SNAP25: variants seen among roughly 807,000 people sequenced by gnomAD.
SNAP25 encodes the protein synaptosomal-associated protein 25.
A neutral mutation model predicts 28.7 loss-of-function variants in SNAP25; 3 were observed. The ratio of observed to expected loss-of-function variants is 0.10; its 90% CI spans 0.05 to 0.27. The LOEUF (loss-of-function observed/expected upper bound fraction) is 0.27, where lower values mean the gene tolerates loss of function less well. SNAP25 is among the 10% of genes least tolerant of loss of function. SNAP25 has a pLI of 1.00. For synonymous variants in SNAP25, 61 were observed against 88.1 expected (o/e 0.69, Z 1.72); for missense variants, 117 against 278.7 (o/e 0.42, Z 4.13).
At chr20:10,277,837 G>A in intron 3 of SNAP25, 111 bp downstream of exon 3, 1 of 1,001,526 alleles carries the variant, frequency 1.0e-6, no homozygotes. Context: ...TTCCAGTGTG[G>A]ATGTAGCCTA....
intron 4 of SNAP25, among the ~76,000 whole-genome samples, chr20:10,287,165 C>A (rs2876195): frequency 0.15 from 22,314 of 151,656 alleles, 1,861 homozygotes; most frequent in Admixed American, 0.2. Context: ...AATGGGATCT[C>A]ATTAAACTAA....
At chr20:10,265,882 A>G (rs1352129584) in intron 1 of SNAP25, among the ~76,000 whole-genome samples, 9 of 152,118 alleles carry the variant, frequency 5.9e-5, no homozygotes, top group Non-Finnish European at 1.3e-4. Context: ...ACGTGATCCA[A>G]TCCAATAAGT....
intron 4 of SNAP25, among the ~76,000 whole-genome samples, chr20:10,285,639 C>G (rs1600757059): frequency 6.6e-6 from 1 of 152,082 alleles, no homozygotes; most frequent in Admixed American, 6.5e-5. Context: ...AATGTATTCA[C>G]AACACAGGAA....
At chr20:10,257,368 C>T (rs971356668) in intron 1 of SNAP25, among the ~76,000 whole-genome samples, 1 of 152,120 alleles carries the variant, frequency 6.6e-6, no homozygotes, top group African/African-American at 2.4e-5. Flanking sequence ...TTCAGAAATT[C>T]GAGACAAGCC....
chr20:10,219,085 T>G (rs2122566768), intron 1 of SNAP25, 108 bp downstream of exon 1: 1 of 152,354 alleles, frequency 6.6e-6, no homozygotes, highest in Non-Finnish European at 1.5e-5. Context: ...CAAGTATTGG[T>G]GCACTTAGGG....
chr20:10,220,631 TTC>T lies in SNAP25; in HGVS notation c.-64+1660_-64+1661del, dbSNP rs557637362. 2.1e-3 allele frequency among the ~76,000 whole-genome samples: 314 copies of T among 152,354 alleles called. 1 individual carries two copies. The highest frequency in any genetic ancestry group is 2.9e-3 in the Admixed American group (45 of 15,306). ...AGAGAGCAAAAGTCATCAGGGGTAT[TTC>T]TCTCTGTTTGATGTAGATAAAACTG... On this transcript the variant is annotated intron_variant, in intron 1 of 7. Transcript: ENST00000254976.
chr20:10,275,546 G>C lies in SNAP25; in HGVS notation c.55G>C (p.Asp19His). Residue 19 changes from aspartate to histidine, a missense_variant, in exon 2 of 8, where the codon GAC becomes CAC. Physicochemically the swap from Asp to His is moderately conservative, Grantham distance 81. Coordinates refer to ENST00000254976, the MANE Select transcript of SNAP25 (RefSeq NM_130811.4). ...NELEEMQRRADQLADESLEST... is the reference protein window; with the variant it reads ...NELEEMQRRAHQLADESLEST... ...GCTGGAGGAGATGCAGCGAAGGGCT[G>C]ACCAGTTGGCTGATGAGGTAAGGAG... 6.2e-7 allele frequency: 1 copy of C among 1,601,300 alleles called. No individual in the cohort carries two copies. Among genetic ancestry groups the C allele is most frequent in the Non-Finnish European group, 8.5e-7 (1 of 1,172,930 alleles).
At chr20:10,239,918 T>A (rs1035935994) in intron 1 of SNAP25, among the ~76,000 whole-genome samples, 2 of 152,206 alleles carry the variant, frequency 1.3e-5, no homozygotes, top group Non-Finnish European at 2.9e-5. Flanking sequence ...CCCGGGTGTA[T>A]TCATTAGCTA....
chr20:10,228,317 G>A (rs374356075), intron 1 of SNAP25, among the ~76,000 whole-genome samples: 4 of 152,076 alleles, frequency 2.6e-5, no homozygotes, highest in South Asian at 2.1e-4. Flanking sequence ...AAAAGAGTTC[G>A]GAACACTTGT....
chr20:10,270,594 G>T (rs1291258143), intron 1 of SNAP25, among the ~76,000 whole-genome samples: 1 of 152,076 alleles, frequency 6.6e-6, no homozygotes, highest in Non-Finnish European at 1.5e-5. Flanking sequence ...CAGCTGCTTG[G>T]GAGGCTGAGG....
At chr20:10,246,252 C>T (rs772559033) in intron 1 of SNAP25, among the ~76,000 whole-genome samples, 54 of 152,040 alleles carry the variant, frequency 3.6e-4, no homozygotes, top group Non-Finnish European at 6.2e-4. Context: ...TGGGTGTATG[C>T]GTGTGTGTGT....
intron 1 of SNAP25, among the ~76,000 whole-genome samples, chr20:10,261,034 T>G (rs975080139): frequency 6.6e-6 from 1 of 152,200 alleles, no homozygotes; most frequent in Admixed American, 6.5e-5. Context: ...AGATTACAAC[T>G]AATATACATT....
At chr20:10,257,635 C>T (rs1568594721) in intron 1 of SNAP25, among the ~76,000 whole-genome samples, 1 of 151,148 alleles carries the variant, frequency 6.6e-6, no homozygotes, top group Admixed American at 6.6e-5. Flanking sequence ...CGCTTGAACC[C>T]AGGAGGCAGA....
chr20:10,243,691 T>C (rs1568583368), intron 1 of SNAP25, among the ~76,000 whole-genome samples: 1 of 152,216 alleles, frequency 6.6e-6, no homozygotes. Context: ...CATCATTTCA[T>C]GTCAGGGGAT....
At chr20:10,268,955 C>G (rs1365315976) in intron 1 of SNAP25, among the ~76,000 whole-genome samples, 1 of 151,898 alleles carries the variant, frequency 6.6e-6, no homozygotes, top group African/African-American at 2.4e-5. Context: ...CAACTGGTTG[C>G]AGAAGTTAGA....
intron 4 of SNAP25, among the ~76,000 whole-genome samples, chr20:10,288,018 G>GGGAGA (rs952242029): frequency 5.3e-5 from 8 of 151,978 alleles, no homozygotes; most frequent in Non-Finnish European, 1.2e-4. Flanking sequence ...GTGGGGTGGG[G>GGGAGA]GGAGAGGGGA....
At chr20:10,303,779 A>AATT (rs1331958190) in intron 7 of SNAP25, among the ~76,000 whole-genome samples, 1 of 152,168 alleles carries the variant, frequency 6.6e-6, no homozygotes, top group African/African-American at 2.4e-5. Context: ...CATTTTCTGG[A>AATT]ATTTAAAGAT....
At chr20:10,245,545 G>T (rs1371245510) in intron 1 of SNAP25, among the ~76,000 whole-genome samples, 4 of 152,188 alleles carry the variant, frequency 2.6e-5, no homozygotes, top group Admixed American at 2.6e-4. Flanking sequence ...AAACTGGGGG[G>T]TCTAAAAAAA....
At chr20:10,280,830 C>G (rs1330118648) in intron 3 of SNAP25, among the ~76,000 whole-genome samples, 1 of 152,158 alleles carries the variant, frequency 6.6e-6, no homozygotes, top group Non-Finnish European at 1.5e-5. Flanking sequence ...TCAAGACTTT[C>G]AAGACACTTT....
Sources: gnomAD v4.1 joint callset for allele counts (sites outside exome capture counted in the v4.1 genomes callset) on GRCh38, gnomAD v4.1.1 for gene constraint, MANE v1.5 for transcripts, NCBI Gene and HGNC (gene_info 2026-07-23, HGNC 2026-07-21) for gene names.